The following SIPA1L3 variants were observed in gnomAD, a reference collection of about 807,000 sequenced individuals.
The protein encoded by SIPA1L3 is signal induced proliferation associated 1 like 3, also known as signal-induced proliferation-associated 1-like protein 3.
SIPA1L3 carries 59 observed loss-of-function variants against 150.1 expected under a neutral mutation model. That is an observed-to-expected ratio of 0.39 (90% confidence interval 0.32 to 0.49). The LOEUF is 0.49. Ranked by LOEUF, SIPA1L3 falls within the 20% of genes least tolerant of loss-of-function variation. The pLI is 0.86. For missense variants in SIPA1L3, 2,211 were observed against 2,489.5 expected (o/e 0.89, Z 2.38); for synonymous variants, 1,070 against 1,077.6 (o/e 0.99, Z 0.14).
chr19:38,129,168 C>G (rs1472275316), intron 9 of SIPA1L3, among the ~76,000 whole-genome samples: 1 of 152,094 alleles, frequency 6.6e-6, no homozygotes, highest in Non-Finnish European at 1.5e-5. Context: ...GGGGGCAGGG[C>G]TCTATTCAGC....
intron 1 of SIPA1L3, among the ~76,000 whole-genome samples, chr19:38,022,627 GA>G (rs1968400323): frequency 6.6e-6 from 1 of 151,922 alleles, no homozygotes; most frequent in African/African-American, 2.4e-5. Context: ...AGAATTGCCT[GA>G]ACCTGGGAGG....
chr19:37,948,642 C>T (rs1204263100), intron 1 of SIPA1L3, among the ~76,000 whole-genome samples: 12 of 152,100 alleles, frequency 7.9e-5, no homozygotes, highest in Admixed American at 7.9e-4. Flanking sequence ...CCATGGCACA[C>T]AAGTGCTGGG....
chr19:38,007,622 T>A (rs1283433100), intron 1 of SIPA1L3, among the ~76,000 whole-genome samples: 1 of 151,840 alleles, frequency 6.6e-6, no homozygotes, highest in Non-Finnish European at 1.5e-5. Flanking sequence ...TATTATTAAT[T>A]CTTCTTCTAC....
At chr19:38,177,248 C>T (rs1568594182) in intron 15 of SIPA1L3, among the ~76,000 whole-genome samples, 1 of 150,880 alleles carries the variant, frequency 6.6e-6, no homozygotes, top group Non-Finnish European at 1.5e-5. Flanking sequence ...GTAGTCCCAG[C>T]TACTCAGGAG....
At chr19:38,132,689 C>T (rs1402400952) in intron 10 of SIPA1L3, among the ~76,000 whole-genome samples, 10 of 150,952 alleles carry the variant, frequency 6.6e-5, no homozygotes, top group Non-Finnish European at 1.2e-4. Context: ...GCTCTGTCAC[C>T]CAGGCTGGAG....
intron 1 of SIPA1L3, among the ~76,000 whole-genome samples, chr19:37,996,338 TC>T: frequency 6.6e-6 from 1 of 152,262 alleles, no homozygotes; most frequent in South Asian, 2.1e-4. Flanking sequence ...TGATCCTTCC[TC>T]CTCAGCCTCC....
intron 13 of SIPA1L3, among the ~76,000 whole-genome samples, chr19:38,153,835 G>A (rs1971882747): frequency 6.6e-6 from 1 of 152,086 alleles, no homozygotes; most frequent in South Asian, 2.1e-4. Context: ...TCAGGAGGCT[G>A]AGGCAGGAGA....
chr19:38,063,722 C>T (rs948024001), intron 2 of SIPA1L3, among the ~76,000 whole-genome samples: 56 of 152,306 alleles, frequency 3.7e-4, no homozygotes, highest in African/African-American at 9.1e-4. Context: ...GGAGCAGGCC[C>T]GCAGGCTGGG....
At chr19:37,973,916 C>A (rs1325462729) in intron 1 of SIPA1L3, among the ~76,000 whole-genome samples, 2 of 152,110 alleles carry the variant, frequency 1.3e-5, no homozygotes, top group Admixed American at 1.3e-4. Context: ...CTCGATCACC[C>A]AAGGCAGAAG....
chr19:38,114,401 C>T (rs1031430817), intron 8 of SIPA1L3, among the ~76,000 whole-genome samples: 7 of 142,978 alleles, frequency 4.9e-5, no homozygotes, highest in Non-Finnish European at 9.0e-5. Flanking sequence ...CCAGCCTGGG[C>T]GACAAGAGCG....
At chr19:38,008,157 C>G (rs1434534138) in intron 1 of SIPA1L3, among the ~76,000 whole-genome samples, 1 of 136,290 alleles carries the variant, frequency 7.3e-6, no homozygotes, top group East Asian at 2.6e-4. Flanking sequence ...AAATGAAGAA[C>G]AAACTGCAAA....
In SIPA1L3 at chr19:37,948,675, G is replaced by T. The variant is rs1388084850; in HGVS notation, c.-379+41317G>T. On this transcript the variant is annotated intron_variant, in intron 1 of 21. Transcript: ENST00000222345. ...GGGGCCACAGTTAGGGCTCAGGACAGGCACGGCCCCCACGCTCTTGGAGCT... is the reference window on the plus strand; with the variant it reads ...GGGGCCACAGTTAGGGCTCAGGACATGCACGGCCCCCACGCTCTTGGAGCT... Among the ~76,000 whole-genome samples the T allele has an allele frequency of 4.6e-5, 7 of 152,180 alleles. No individual in the cohort carries two copies. In the East Asian group the frequency reaches 1.2e-3, roughly 25 times the overall value.
chr19:38,015,721 TAAAAAAA>T (rs59452393), intron 1 of SIPA1L3, among the ~76,000 whole-genome samples: 1 of 102,164 alleles, frequency 9.8e-6, no homozygotes, highest in Admixed American at 1.3e-4. Context: ...AAGATCCTGT[TAAAAAAA>T]AAAAAAAAAA....
intron 15 of SIPA1L3, among the ~76,000 whole-genome samples, chr19:38,171,981 C>T (rs1414413455): frequency 6.6e-6 from 1 of 152,094 alleles, no homozygotes; most frequent in African/African-American, 2.4e-5. Context: ...AGGGCCCTAC[C>T]AGCTCCATTA....
intron 10 of SIPA1L3, among the ~76,000 whole-genome samples, chr19:38,137,858 T>C (rs1487461055): frequency 6.6e-6 from 1 of 151,920 alleles, no homozygotes; most frequent in East Asian, 1.9e-4. Context: ...AGGCCAGGCA[T>C]GGTGGCTCAT....
chr19:38,077,674 T>C (rs1459475570), intron 2 of SIPA1L3, among the ~76,000 whole-genome samples: 2 of 116,248 alleles, frequency 1.7e-5, no homozygotes, highest in Non-Finnish European at 3.5e-5. Flanking sequence ...TTTTTTTTTT[T>C]TTTTTTTTTT....
chr19:38,201,979 G>C lies in SIPA1L3; in HGVS notation c.5102G>C (p.Arg1701Thr). 2 of 1,612,612 alleles carry C rather than the reference G, an allele frequency of 1.2e-6. No homozygotes were observed. Among genetic ancestry groups the C allele is most frequent in the Non-Finnish European group, 1.7e-6 (2 of 1,179,348 alleles). Residue 1701 changes from arginine (R) to threonine (T), a missense_variant, in exon 20 of 22, where the codon AGG becomes ACG. Arg to Thr is a moderately conservative substitution (Grantham distance 71). Transcript: ENST00000222345. ...CTGGAGAGGGGACCCCCGACCCCCAGGACCACCCCTACCATGAGGTGAGGT... is the reference window on the plus strand; with the variant it reads ...CTGGAGAGGGGACCCCCGACCCCCACGACCACCCCTACCATGAGGTGAGGT... ...LSLERGPPTP[R>T]TTPTMSEEPP...
chr19:38,117,261 C>T (rs1970908278), intron 8 of SIPA1L3, among the ~76,000 whole-genome samples: 1 of 152,150 alleles, frequency 6.6e-6, no homozygotes, highest in African/African-American at 2.4e-5. Flanking sequence ...GCTGGCTGCT[C>T]GCCGGGCTCT....
rs375800646 is a variant in SIPA1L3, at chr19:38,083,112, G to A, written c.1534+13G>A. 69 of 1,599,334 alleles carry A rather than the reference G, an allele frequency of 4.3e-5. No homozygotes were observed. The South Asian group carries it at 6.3e-4, about 15-fold the overall frequency. ...TTCGTGGGCAAAGGTGACGGATGGCGTGTGGGTGGGAAGGTTGGGTGGGCC... is the reference window on the plus strand; with the variant it reads ...TTCGTGGGCAAAGGTGACGGATGGCATGTGGGTGGGAAGGTTGGGTGGGCC... On this transcript the variant is annotated intron_variant, in intron 3 of 21. Coordinates refer to ENST00000222345, the MANE Select transcript of SIPA1L3 (RefSeq NM_015073.3).
Sources: gnomAD v4.1 joint callset for allele counts (sites outside exome capture counted in the v4.1 genomes callset) on GRCh38, gnomAD v4.1.1 for gene constraint, MANE v1.5 for transcripts, NCBI Gene and HGNC (gene_info 2026-07-23, HGNC 2026-07-21) for gene names.